The following ZDHHC5 variants were observed in gnomAD, a reference collection of about 807,000 sequenced individuals.
ZDHHC5 encodes the protein zDHHC palmitoyltransferase 5.
A neutral mutation model predicts 70.0 loss-of-function variants in ZDHHC5; 22 were observed. The ratio of observed to expected loss-of-function variants is 0.31; its 90% confidence interval spans 0.22 to 0.45. The LOEUF is 0.45. Among genes scored for constraint, ZDHHC5 ranks in the 20% least tolerant of loss-of-function variants. The pLI is 1.00. For synonymous variants in ZDHHC5, 313 were observed against 347.8 expected, an observed-to-expected ratio of 0.90 and a Z score of 1.11; for missense variants, 746 against 926.9, an observed-to-expected ratio of 0.80 and a Z score of 2.53.
intron 2 of ZDHHC5, 32 bp from the exon 3 acceptor site, chr11:57,682,390 G>A (rs1329730775): frequency 6.3e-7 from 1 of 1,588,944 alleles, no homozygotes; most frequent in Non-Finnish European, 8.6e-7. Flanking sequence ...AATATTAGAG[G>A]CAACCCCTCA....
chr11:57,698,868 G>C lies in ZDHHC5; in HGVS notation c.1432G>C (p.Asp478His), dbSNP rs766222437. ...TTATGACAGCTTGCTCACACCTTCA[G>C]ACAGCCCTGATTTTGAGTCAGTGCA... ...LSYDSLLTPS[D>H]SPDFESVQAG... is the part of the protein sequence containing the mutation. Residue 478 changes from aspartate to histidine, a missense_variant, in exon 11 of 12, where the codon GAC (aspartate) becomes CAC (histidine). Coordinates refer to ENST00000287169, the MANE Select transcript of ZDHHC5 (RefSeq NM_015457.3). 1 of 1,614,148 alleles carries C rather than the reference G, an allele frequency of 6.2e-7. No homozygotes were observed. The highest frequency in any genetic ancestry group is 2.2e-5 in the East Asian group (1 of 44,876).
intron 4 of ZDHHC5, among the ~76,000 whole-genome samples, chr11:57,689,775 A>G (rs1454652606): frequency 1.3e-5 from 2 of 148,242 alleles, no homozygotes; most frequent in African/African-American, 2.5e-5. Context: ...ACAGCCTTGA[A>G]CTCCTGGGCT....
Position 57,690,324 on chromosome 11 carries a change from T to C in ZDHHC5, c.558-11T>C. On this transcript the variant is annotated splice_polypyrimidine_tract_variant and intron_variant, in intron 5 of 11. Transcript: ENST00000287169. ...CATGTTGCTCTGTTCTCCTTGATTG[T>C]TTGGCATCAGAATGGCAGTAATGTG... 1 of 1,614,146 alleles carries C rather than the reference T, an allele frequency of 6.2e-7. No individual in the cohort carries two copies. Among genetic ancestry groups the C allele is most frequent in the Non-Finnish European group, 8.5e-7 (1 of 1,180,022 alleles).
Position 57,695,944 on chromosome 11 carries a change from G to C in ZDHHC5, c.910G>C (p.Glu304Gln), listed in dbSNP as rs1197131318. Residue 304 changes from glutamate (E) to glutamine (Q), a missense_variant, in exon 9 of 12, where the codon GAG becomes CAG. Around this residue, in one of 6 missense-constraint regions of ZDHHC5, gnomAD observed 179 missense variants for 178.4 expected, o/e 1.00. Coordinates refer to ENST00000287169, the MANE Select transcript of ZDHHC5 (RefSeq NM_015457.3). ...GTCTAAGGGAAGCCTGGAGATAACA[G>C]AGAGCCAGTCTGCAGATGCTGAACC... The part of the protein sequence containing the change: ...TKSKGSLEIT[E>Q]SQSADAEPPP... 6.2e-7 allele frequency: 1 copy of C among 1,614,096 alleles called. No individual in the cohort carries two copies. The highest frequency in any genetic ancestry group is 1.3e-5 in the African/African-American group (1 of 75,026).
Position 57,700,031 on chromosome 11 carries a change from A to AG in ZDHHC5, c.*1dup. The AG allele has an allele frequency of 1.3e-6, 2 of 1,567,290 alleles. No homozygotes were observed. The highest frequency in any genetic ancestry group is 2.4e-5 in the South Asian group (2 of 82,914). ...GTACCACCTATGAGATTTCGGTGTG[A>AG]GCCTTCGGCACCTCCCCTCCCCAAC... On this transcript the variant is annotated 3_prime_UTR_variant, in exon 12 of 12. Transcript: ENST00000287169.
intron 8 of ZDHHC5, among the ~76,000 whole-genome samples, chr11:57,694,397 T>A (rs1429961095): frequency 1.3e-5 from 2 of 151,834 alleles, no homozygotes; most frequent in Non-Finnish European, 2.9e-5. Flanking sequence ...AGTCTTGCTC[T>A]GTTACCTAGG....
At chr11:57,694,525 C>T (rs1476807079) in intron 8 of ZDHHC5, among the ~76,000 whole-genome samples, 2 of 152,036 alleles carry the variant, frequency 1.3e-5, no homozygotes, top group African/African-American at 4.8e-5. Context: ...CCACGCCTGG[C>T]TAATTTTTTT....
intron 3 of ZDHHC5, among the ~76,000 whole-genome samples, chr11:57,682,852 A>C (rs1008615797): frequency 6.6e-6 from 1 of 152,180 alleles, no homozygotes; most frequent in African/African-American, 2.4e-5. Flanking sequence ...TTTAAAGCAT[A>C]TGGGTTGGAT....
At chr11:57,688,375 TC>T (rs1946238936) in intron 3 of ZDHHC5, 132 bp from the exon 4 acceptor site, 1 of 1,062,042 alleles carries the variant, frequency 9.4e-7, no homozygotes, top group Admixed American at 4.0e-5. Flanking sequence ...GTCTTATAGT[TC>T]CTAGTTCCTA....
At chr11:57,673,319 A>T (rs1454098170) in intron 2 of ZDHHC5, 125 bp downstream of exon 2, 6 of 794,708 alleles carry the variant, frequency 7.5e-6, no homozygotes, top group Non-Finnish European at 1.2e-5. Context: ...GGTACAGGTA[A>T]ATCCAAATCC....
At position 57,688,547 on chromosome 11, in the gene ZDHHC5, C is replaced by T. The variant is rs1946241243; in HGVS notation, c.266C>T (p.Pro89Leu). 1.2e-6 allele frequency: 2 copies of T among 1,604,176 alleles called. No homozygotes were observed. Among genetic ancestry groups the T allele is most frequent in the South Asian group, 1.1e-5 (1 of 89,228 alleles). Residue 89 changes from proline to leucine, a missense_variant, in exon 4 of 12, where the codon CCC becomes CTC. Transcript: ENST00000287169. ...DEDKEDDFRAPLYKTVEIKGI... is the reference protein window; with the variant it reads ...DEDKEDDFRALLYKTVEIKGI... ...GACAAGGAAGATGATTTCCGAGCTCCCCTTTACAAAACAGTGGAGATAAAG... is the reference window on the plus strand; with the variant it reads ...GACAAGGAAGATGATTTCCGAGCTCTCCTTTACAAAACAGTGGAGATAAAG...
At chr11:57,669,040 CCTT>C (rs1190864515) in intron 1 of ZDHHC5, among the ~76,000 whole-genome samples, 1 of 152,216 alleles carries the variant, frequency 6.6e-6, no homozygotes, top group Non-Finnish European at 1.5e-5. Context: ...TGCATATCAT[CCTT>C]CTATCTCAGT....
chr11:57,688,727 A>AT, intron 4 of ZDHHC5, 62 bp downstream of exon 4: 1 of 1,487,500 alleles, frequency 6.7e-7, no homozygotes, highest in Non-Finnish European at 9.0e-7. Context: ...TCCTAACCAT[A>AT]TAATAGATTC....
intron 2 of ZDHHC5, among the ~76,000 whole-genome samples, chr11:57,676,909 A>ATTTTTTTTTTTTT (rs72474322): frequency 2.5e-5 from 2 of 80,986 alleles, no homozygotes; most frequent in African/African-American, 1.0e-4. Context: ...GCTTCACGTG[A>ATTTTTTTTTTTTT]TTTTTTTTTT....
Position 57,698,811 on chromosome 11 carries a change from C to G in ZDHHC5, c.1375C>G (p.Leu459Val), listed in dbSNP as rs200638493. The G allele has an allele frequency of 3.2e-5, 52 of 1,614,138 alleles. No homozygotes were observed. Among genetic ancestry groups the G allele is most frequent in the Non-Finnish European group, 4.0e-5 (47 of 1,180,058 alleles). Residue 459 changes from leucine (L) to valine (V), a missense_variant, in exon 11 of 12, where the codon CTG (leucine) becomes GTG (valine). By Grantham distance (32) the Leu-to-Val change is conservative. Around this residue, in one of 6 missense-constraint regions of ZDHHC5, gnomAD observed 340 missense variants for 350.1 expected, o/e 0.97. Coordinates refer to ENST00000287169, the MANE Select transcript of ZDHHC5 (RefSeq NM_015457.3). ...EGTTSTSYKS[L>V]ANQTRNGSLS... is the part of the protein sequence containing the mutation. Reference sequence around the variant, plus strand: ...CACCACCTCCACCTCCTATAAGAGCCTGGCCAACCAGACACGCAATGGAAG... The same window carrying G: ...CACCACCTCCACCTCCTATAAGAGCGTGGCCAACCAGACACGCAATGGAAG...
In ZDHHC5 at chr11:57,690,332, C is replaced by T; in HGVS notation, c.558-3C>T. On this transcript the variant is annotated splice_polypyrimidine_tract_variant and splice_region_variant and intron_variant, in intron 5 of 11. Coordinates refer to ENST00000287169, the MANE Select transcript of ZDHHC5 (RefSeq NM_015457.3). ...TCTGTTCTCCTTGATTGTTTGGCATCAGAATGGCAGTAATGTGTGTGGCTG... is the reference window on the plus strand; with the variant it reads ...TCTGTTCTCCTTGATTGTTTGGCATTAGAATGGCAGTAATGTGTGTGGCTG... The T allele has an allele frequency of 6.2e-7, 1 of 1,614,138 alleles. No individual in the cohort carries two copies. The highest frequency in any genetic ancestry group is 8.5e-7 in the Non-Finnish European group (1 of 1,180,036).
rs1946014655 is a variant in ZDHHC5 at position 57,672,155 on chromosome 11, C to T, written c.-936C>T. On this transcript the variant is annotated 5_prime_UTR_variant, in exon 2 of 12. Transcript: ENST00000287169. ...CATCCACAGTAAACTTTTGAAGTGTCATCAATTGGAATTGATTTCTTCATC... is the reference window on the plus strand; with the variant it reads ...CATCCACAGTAAACTTTTGAAGTGTTATCAATTGGAATTGATTTCTTCATC... 1 of 398,144 alleles carries T rather than the reference C, an allele frequency of 2.5e-6. No individual in the cohort carries two copies. Among genetic ancestry groups the T allele is most frequent in the East Asian group, 3.6e-5 (1 of 28,050 alleles). 24.7% of individuals were successfully genotyped at this position (398,144 alleles called of 1,614,324 possible).
At chr11:57,694,491 AG>A (rs1946325047) in intron 8 of ZDHHC5, among the ~76,000 whole-genome samples, 1 of 147,910 alleles carries the variant, frequency 6.8e-6, no homozygotes, top group South Asian at 2.2e-4. Flanking sequence ...CCACCTGGGT[AG>A]CTGGGACTAC....
Position 57,672,412 on chromosome 11 carries a change from AC to A in ZDHHC5, c.-677del. On this transcript the variant is annotated 5_prime_UTR_variant, in exon 2 of 12. Transcript: ENST00000287169. ...CATCAAGAGAGAAATAAATTAAACC[AC>A]CATTGCCAGACTACAAGCCCTGGTG... The A allele has an allele frequency of 2.6e-6, 1 of 390,984 alleles. No homozygotes were observed. Among genetic ancestry groups the A allele is most frequent in the African/African-American group, 2.1e-5 (1 of 48,566 alleles). The allele number at this position is 390,984 out of a possible 1,614,324, so 24.2% of individuals were successfully genotyped here. A position where few individuals can be genotyped will look rare whatever the true frequency, so the allele number is the denominator to read the frequency against.
Sources: gnomAD v4.1 joint callset for allele counts (sites outside exome capture counted in the v4.1 genomes callset) on GRCh38, gnomAD v4.1.1 for gene constraint, gnomAD v4.1.1 regional missense constraint, MANE v1.5 for transcripts, NCBI Gene and HGNC (gene_info 2026-07-23, HGNC 2026-07-21) for gene names.